The following LRRC7 variants were observed in gnomAD, a reference collection of about 807,000 sequenced individuals.
The protein encoded by LRRC7 is leucine-rich repeat-containing protein 7.
Under a neutral mutation model 175.7 loss-of-function variants are expected in LRRC7, and 23 were observed. That is an observed-to-expected ratio of 0.13 (90% CI 0.09 to 0.19). The LOEUF (loss-of-function observed/expected upper bound fraction) is 0.19. Ranked by LOEUF, LRRC7 falls within the 10% of genes least tolerant of loss-of-function variation. The pLI, the probability that LRRC7 is intolerant of heterozygous loss-of-function variation, is 1.00. For synonymous variants in LRRC7, 685 were observed against 680.9 expected (o/e 1.01, Z -0.09); for missense variants, 1,354 against 1,904.7 (o/e 0.71, Z 5.38).
intron 11 of LRRC7, among the ~76,000 whole-genome samples, chr1:69,995,690 G>T (rs1196251452): frequency 6.6e-6 from 1 of 152,000 alleles, no homozygotes; most frequent in Non-Finnish European, 1.5e-5. Flanking sequence ...TACTCAGAAT[G>T]ATGATTTCCA....
intron 2 of LRRC7, among the ~76,000 whole-genome samples, chr1:69,735,367 T>G (rs1435817927): frequency 6.6e-6 from 1 of 152,152 alleles, no homozygotes; most frequent in Non-Finnish European, 1.5e-5. Context: ...TCTTCTCCAG[T>G]CATCTTTTAA....
At chr1:69,774,112 G>A (rs563530029) in intron 3 of LRRC7, among the ~76,000 whole-genome samples, 1 of 152,196 alleles carries the variant, frequency 6.6e-6, no homozygotes, top group Admixed American at 6.5e-5. Context: ...AAAAAGAAGG[G>A]AGGCATAGAA....
chr1:69,711,393 T>C (rs1413003140), intron 2 of LRRC7, among the ~76,000 whole-genome samples: 1 of 152,192 alleles, frequency 6.6e-6, no homozygotes, highest in Non-Finnish European at 1.5e-5. Flanking sequence ...CACAAAACAC[T>C]AGAGAACATT....
At chr1:69,713,117 T>A (rs1043133813) in intron 2 of LRRC7, among the ~76,000 whole-genome samples, 41 of 152,182 alleles carry the variant, frequency 2.7e-4, no homozygotes, top group Non-Finnish European at 4.4e-5. Context: ...TTTAGGCATA[T>A]AATTTTACCT....
intron 3 of LRRC7, among the ~76,000 whole-genome samples, chr1:69,781,266 T>G (rs1673451913): frequency 6.6e-6 from 1 of 152,142 alleles, no homozygotes; most frequent in Non-Finnish European, 1.5e-5. Context: ...GAGGGCTCAC[T>G]GGATCCTTGT....
chr1:69,959,167 T>G (rs529931904), intron 8 of LRRC7, among the ~76,000 whole-genome samples: 1 of 152,244 alleles, frequency 6.6e-6, no homozygotes, highest in East Asian at 1.9e-4. Flanking sequence ...TCAGCCAAAC[T>G]GTGATTTTCT....
chr1:69,609,325 TA>T lies in LRRC7; in HGVS notation c.2+40685del, dbSNP rs752614721. 6.1e-4 allele frequency among the ~76,000 whole-genome samples: 93 copies of T among 152,190 alleles called. 1 individual carries two copies. The highest frequency in any genetic ancestry group is 7.4e-5 in the Non-Finnish European group (5 of 67,998). ...AGAACAGTGGTAGGAAATGATTTAA[TA>T]TGTTAATCTATATATTATTCTAATC... On this transcript the variant is annotated intron_variant, in intron 1 of 26. Coordinates refer to ENST00000651989, the MANE Select transcript of LRRC7 (RefSeq NM_001370785.2).
At chr1:69,908,967 A>G (rs1305697868) in intron 7 of LRRC7, among the ~76,000 whole-genome samples, 6 of 151,990 alleles carry the variant, frequency 3.9e-5, no homozygotes, top group Non-Finnish European at 5.9e-5. Flanking sequence ...TATCGGGTGC[A>G]TATATATTTA....
At chr1:69,855,612 G>T (rs1683511510) in intron 7 of LRRC7, among the ~76,000 whole-genome samples, 1 of 152,062 alleles carries the variant, frequency 6.6e-6, no homozygotes. Context: ...GTTGATTTGG[G>T]GTGGAGAGTT....
chr1:69,600,800 C>CTTTTTTTT (rs59212223), intron 1 of LRRC7, among the ~76,000 whole-genome samples: 910 of 64,880 alleles, frequency 0.014, 307 homozygotes, highest in East Asian at 0.015. Flanking sequence ...TCTCTGGTTT[C>CTTTTTTTT]TTTTTTTTTT....
In LRRC7 at chr1:69,870,778, C is replaced by T. The variant is rs554530097; in HGVS notation, c.647+32495C>T. On this transcript the variant is annotated intron_variant, in intron 7 of 26. Transcript: ENST00000651989. ...CCTCCATTTTCCACCTCTTAGAGCA[C>T]TCACTCCCTCTTCTGTAGAGGCTTG... 3.9e-5 allele frequency among the ~76,000 whole-genome samples: 6 copies of T among 152,190 alleles called. No homozygotes were observed. In the South Asian group the frequency reaches 8.3e-4, roughly 21 times the overall value.
intron 1 of LRRC7, among the ~76,000 whole-genome samples, chr1:69,633,734 T>G (rs1050201192): frequency 2.0e-5 from 3 of 152,104 alleles, no homozygotes; most frequent in African/African-American, 7.2e-5. Context: ...CAGCCAAACA[T>G]ACTTTTAAAA....
At chr1:70,081,015 C>T (rs1452931641) in intron 24 of LRRC7, among the ~76,000 whole-genome samples, 2 of 152,132 alleles carry the variant, frequency 1.3e-5, no homozygotes, top group East Asian at 3.8e-4. Context: ...TTGTTCTTAA[C>T]CGCAGCTGCA....
chr1:69,699,081 G>A (rs1398234170), intron 2 of LRRC7, among the ~76,000 whole-genome samples: 3 of 152,120 alleles, frequency 2.0e-5, no homozygotes, highest in Non-Finnish European at 4.4e-5. Context: ...TGGTGGGACT[G>A]TAAACTAGTT....
At chr1:69,859,418 G>C (rs1418430211) in intron 7 of LRRC7, among the ~76,000 whole-genome samples, 1 of 152,014 alleles carries the variant, frequency 6.6e-6, no homozygotes, top group African/African-American at 2.4e-5. Flanking sequence ...TTACTATATA[G>C]GTGGTATCAA....
At chr1:69,919,727 A>G (rs946529570) in intron 7 of LRRC7, 4 of 1,028,200 alleles carry the variant, frequency 3.9e-6, no homozygotes, top group Admixed American at 3.7e-5. Flanking sequence ...TGCCTTCAGC[A>G]AAGGTCAGAT....
rs369632677 is a variant in LRRC7, at chr1:69,674,403, T to C, written c.3-3978T>C. Among the ~76,000 whole-genome samples, 17 of 152,122 alleles carry C rather than the reference T, an allele frequency of 1.1e-4. 1 individual carries two copies. Among genetic ancestry groups the C allele is most frequent in the Admixed American group, 7.9e-4 (12 of 15,272 alleles). On this transcript the variant is annotated intron_variant, in intron 1 of 26. Coordinates refer to ENST00000651989, the MANE Select transcript of LRRC7 (RefSeq NM_001370785.2). ...ATTTCTTCATCTTTAAAATATTCTTTCATAAAGTTGTTCAAAGGATTAATG... is the reference window on the plus strand; with the variant it reads ...ATTTCTTCATCTTTAAAATATTCTTCCATAAAGTTGTTCAAAGGATTAATG...
intron 4 of LRRC7, among the ~76,000 whole-genome samples, chr1:69,793,304 C>T (rs548963657): frequency 1.6e-4 from 25 of 152,178 alleles, no homozygotes; most frequent in African/African-American, 5.8e-4. Flanking sequence ...AAGTGATAAC[C>T]AGATAGGACC....
At chr1:69,642,277 ACT>A (rs199562326) in intron 1 of LRRC7, among the ~76,000 whole-genome samples, 1 of 151,976 alleles carries the variant, frequency 6.6e-6, no homozygotes, top group East Asian at 1.9e-4. Context: ...AAATTAAATC[ACT>A]CTAACTTATT....
Sources: allele counts gnomAD v4.1 joint callset (sites outside exome capture counted in the v4.1 genomes callset), GRCh38; gene constraint gnomAD v4.1.1; transcripts MANE v1.5; gene names NCBI Gene and HGNC (gene_info 2026-07-23, HGNC 2026-07-21).